CCDC30: variants seen among roughly 807,000 people sequenced by gnomAD.
CCDC30 encodes coiled-coil domain containing 30.
A neutral mutation model predicts 100.2 loss-of-function variants in CCDC30; 70 were observed. That is an observed-to-expected ratio of 0.70 (90% CI 0.58 to 0.85). The LOEUF (loss-of-function observed/expected upper bound fraction) is 0.85. Among genes scored for constraint, CCDC30 ranks in the 40% least tolerant of loss-of-function variants. CCDC30 has a pLI of 0.00. For missense variants in CCDC30, 652 were observed against 771.2 expected (o/e 0.85, Z 1.83); for synonymous variants, 233 against 269.5 (o/e 0.86, Z 1.33).
chr1:42,602,197 T>C (rs895707181), intron 10 of CCDC30, among the ~76,000 whole-genome samples: 1 of 150,836 alleles, frequency 6.6e-6, no homozygotes, highest in African/African-American at 2.5e-5. Flanking sequence ...GAAGAGCAAA[T>C]TAAATCCAAA....
intron 9 of CCDC30, among the ~76,000 whole-genome samples, chr1:42,582,294 G>A (rs541251359): frequency 6.6e-6 from 1 of 152,162 alleles, no homozygotes; most frequent in African/African-American, 2.4e-5. Flanking sequence ...AAGTGATGAA[G>A]CACACCATTT....
chr1:42,456,217 T>C, the CCDC30 span: 2 of 578,850 alleles, frequency 3.5e-6, no homozygotes, highest in Non-Finnish European at 6.2e-6. Flanking sequence ...ACGGGTCAAA[T>C]GGCCGAGAAA....
chr1:42,628,255 G>A (rs1052606186), intron 11 of CCDC30, among the ~76,000 whole-genome samples: 2 of 152,100 alleles, frequency 1.3e-5, no homozygotes, highest in African/African-American at 2.4e-5. Context: ...TCTCCCATTT[G>A]GAATGCTGTA....
chr1:42,544,343 T>C (rs149850997), intron 6 of CCDC30, among the ~76,000 whole-genome samples: 26 of 152,278 alleles, frequency 1.7e-4, no homozygotes, highest in Non-Finnish European at 3.4e-4. Flanking sequence ...ACTGAGCAAA[T>C]GGTTTGCCAA....
At chr1:42,619,627 A>G (rs1646792609) in intron 11 of CCDC30, among the ~76,000 whole-genome samples, 1 of 152,134 alleles carries the variant, frequency 6.6e-6, no homozygotes. Context: ...TATATAGATG[A>G]AACCTCACAG....
At chr1:42,636,940 T>C (rs1345922186) in intron 11 of CCDC30, among the ~76,000 whole-genome samples, 7 of 111,868 alleles carry the variant, frequency 6.3e-5, no homozygotes, top group Non-Finnish European at 1.2e-4. Flanking sequence ...CACTCCAGCC[T>C]GGGCGACAGA....
chr1:42,623,506 G>A (rs1191023643), intron 11 of CCDC30, among the ~76,000 whole-genome samples: 1 of 152,130 alleles, frequency 6.6e-6, no homozygotes, highest in Non-Finnish European at 1.5e-5. Flanking sequence ...TTTCCCTGGT[G>A]TATGTTCTTG....
intron 11 of CCDC30, 140 bp from the exon 16 acceptor site, chr1:42,637,097 G>A (rs889465999): frequency 7.5e-5 from 46 of 613,754 alleles, no homozygotes; most frequent in Non-Finnish European, 1.2e-4. Context: ...AAGAAGATGT[G>A]AGGCAGGATA....
At chr1:42,468,001 G>A (rs1643645273) in intron 1 of CCDC30, among the ~76,000 whole-genome samples, 1 of 152,246 alleles carries the variant, frequency 6.6e-6, no homozygotes, top group Non-Finnish European at 1.5e-5. Flanking sequence ...GAAGCTCAGA[G>A]ACAGAAGACC....
intron 6 of CCDC30, 80 bp downstream of exon 9, chr1:42,545,659 A>G: frequency 7.5e-7 from 1 of 1,327,378 alleles, no homozygotes; most frequent in Non-Finnish European, 1.0e-6. Context: ...TAAGAATTTG[A>G]CATTCGGCTG....
intron 11 of CCDC30, among the ~76,000 whole-genome samples, chr1:42,620,129 G>A (rs929814778): frequency 6.6e-6 from 1 of 152,136 alleles, no homozygotes; most frequent in Non-Finnish European, 1.5e-5. Context: ...CATAGGCTCT[G>A]GGGTCAGATT....
At chr1:42,584,454 T>C (rs945357369) in intron 9 of CCDC30, among the ~76,000 whole-genome samples, 2 of 151,938 alleles carry the variant, frequency 1.3e-5, no homozygotes, top group African/African-American at 4.8e-5. Context: ...TAGCCAAGCA[T>C]GGTAGCAGAC....
At position 42,577,041 on chromosome 1, in the gene CCDC30, G is replaced by A. The variant is rs1318758510; in HGVS notation, c.658G>A (p.Ala220Thr). ...CTAGATAAAGATTGAACTAAAGCAT[G>A]CCCAACAGAAGTTATTAGACAGCAC... The change falls in exon 8 of 17, where the codon GCC becomes ACC. Residue 220 changes from alanine (A) to threonine (T), a missense_variant. Physicochemically the swap from Ala to Thr is moderately conservative, Grantham distance 58. Transcript: ENST00000668663. 4 of 1,613,138 alleles carry A rather than the reference G, an allele frequency of 2.5e-6. No individual in the cohort carries two copies. In the African/African-American group the frequency reaches 5.3e-5, roughly 22 times the overall value.
At chr1:42,590,301 G>A (rs1244242689) in intron 10 of CCDC30, 1 of 152,126 alleles carries the variant, frequency 6.6e-6, no homozygotes, top group Non-Finnish European at 1.5e-5. Context: ...CCAGTCTCGG[G>A]TATTTCTTTA....
At chr1:42,478,582 A>G (rs946486210) in intron 1 of CCDC30, among the ~76,000 whole-genome samples, 4 of 152,260 alleles carry the variant, frequency 2.6e-5, no homozygotes, top group African/African-American at 9.6e-5. Flanking sequence ...AAAGGGGCGA[A>G]ACCCCATCTC....
At chr1:42,633,549 G>GT (rs1162771213) in intron 11 of CCDC30, among the ~76,000 whole-genome samples, 2 of 152,024 alleles carry the variant, frequency 1.3e-5, no homozygotes, top group East Asian at 1.9e-4. Flanking sequence ...GACTTAAGAG[G>GT]TTTTTTTGTT....
At chr1:42,559,569 G>A (rs1270826323) in intron 6 of CCDC30, among the ~76,000 whole-genome samples, 1 of 152,066 alleles carries the variant, frequency 6.6e-6, no homozygotes, top group Non-Finnish European at 1.5e-5. Context: ...AATGGTAAAG[G>A]GAACAATTCA....
At chr1:42,560,748 A>G (rs1192006717) in intron 6 of CCDC30, among the ~76,000 whole-genome samples, 1 of 152,224 alleles carries the variant, frequency 6.6e-6, no homozygotes, top group East Asian at 1.9e-4. Flanking sequence ...AGCATCAAAT[A>G]GACACAATAA....
chr1:42,643,837 C>T (rs1038654796), intron 13 of CCDC30, among the ~76,000 whole-genome samples: 1 of 152,188 alleles, frequency 6.6e-6, no homozygotes, highest in Non-Finnish European at 1.5e-5. Flanking sequence ...GTTGCTGCTG[C>T]TGCTACCACT....
Sources: allele counts gnomAD v4.1 joint callset (sites outside exome capture counted in the v4.1 genomes callset), GRCh38; gene constraint gnomAD v4.1.1; transcripts MANE v1.5; gene names NCBI Gene and HGNC (gene_info 2026-07-23, HGNC 2026-07-21).